CLIC5: variants seen among roughly 807,000 people sequenced by gnomAD.
The protein encoded by CLIC5 is chloride intracellular channel protein 5.
A neutral mutation model predicts 24.7 loss-of-function variants in CLIC5; 20 were observed. The ratio of observed to expected loss-of-function variants is 0.81; its 90% CI spans 0.57 to 1.18. The LOEUF (loss-of-function observed/expected upper bound fraction) is 1.18. Ranked by LOEUF, CLIC5 falls within the 50% of genes most tolerant of loss-of-function variation. The pLI, the probability that CLIC5 is intolerant of heterozygous loss-of-function variation, is 0.00. For synonymous variants in CLIC5, 159 were observed against 135.6 expected (o/e 1.17, Z -1.20); for missense variants, 341 against 326.1 (o/e 1.05, Z -0.35).
chr6:45,986,468 A>C (rs1385249900), intron 1 of CLIC5, among the ~76,000 whole-genome samples: 4 of 152,190 alleles, frequency 2.6e-5, no homozygotes, highest in African/African-American at 7.2e-5. Context: ...GTAGCCTAAG[A>C]AGGTAGTGAT....
the CLIC5 span, among the ~76,000 whole-genome samples, chr6:46,091,436 T>G: frequency 1.3e-5 from 2 of 152,228 alleles, no homozygotes; most frequent in Admixed American, 6.5e-5. Flanking sequence ...GATTTCCTTT[T>G]TTTTAAAGGC....
Position 45,903,748 on chromosome 6 carries a change from A to G in CLIC5, c.589-493T>C, listed in dbSNP as rs147711085. 2.1e-3 allele frequency among the ~76,000 whole-genome samples: 313 copies of G among 152,334 alleles called. 1 individual carries two copies. The highest frequency in any genetic ancestry group is 7.3e-3 in the African/African-American group (305 of 41,568). ...GTTCAAGTATAATGCATTTGGAGAAACATGTATGATGGCTAGATGTCTATA... is the reference window on the plus strand; with the variant it reads ...GTTCAAGTATAATGCATTTGGAGAAGCATGTATGATGGCTAGATGTCTATA... On this transcript the variant is annotated intron_variant, in intron 5 of 5. Transcript: ENST00000339561.
intron 1 of CLIC5, among the ~76,000 whole-genome samples, chr6:45,965,825 G>C (rs955866157): frequency 2.4e-4 from 37 of 152,292 alleles, no homozygotes; most frequent in African/African-American, 8.9e-4. Context: ...AGATGCTATG[G>C]AAATTAATGG....
intron 1 of CLIC5, among the ~76,000 whole-genome samples, chr6:46,039,466 G>A (rs987480104): frequency 1.1e-4 from 17 of 151,436 alleles, no homozygotes; most frequent in Admixed American, 4.0e-4. Flanking sequence ...GTGCAGAGAC[G>A]GCATTAGATT....
chr6:46,126,038 C>T, the CLIC5 span, among the ~76,000 whole-genome samples: 1 of 152,136 alleles, frequency 6.6e-6, no homozygotes. Context: ...CAACTCACCC[C>T]GATTTGCTTG....
intron 1 of CLIC5, among the ~76,000 whole-genome samples, chr6:46,024,184 T>C (rs890142705): frequency 6.6e-6 from 1 of 152,164 alleles, no homozygotes; most frequent in Non-Finnish European, 1.5e-5. Context: ...AATAAACAGT[T>C]GTCATAATCT....
intron 1 of CLIC5, among the ~76,000 whole-genome samples, chr6:46,022,349 C>T (rs28588569): frequency 0.015 from 2,358 of 152,268 alleles, 70 homozygotes; most frequent in African/African-American, 0.052. Flanking sequence ...TCACTATACC[C>T]AGAGTAGCAG....
chr6:45,950,953 G>A (rs969209038), intron 2 of CLIC5, among the ~76,000 whole-genome samples: 1 of 152,028 alleles, frequency 6.6e-6, no homozygotes, highest in African/African-American at 2.4e-5. Context: ...TAAAAATTAT[G>A]GGGTTACTTA....
At chr6:46,079,097 C>G (rs1434321584) in intron 1 of CLIC5, among the ~76,000 whole-genome samples, 1 of 152,098 alleles carries the variant, frequency 6.6e-6, no homozygotes, top group African/African-American at 2.4e-5. Flanking sequence ...ATAACCATAA[C>G]TTTATTACTT....
chr6:45,952,054 G>A (rs759049054), intron 2 of CLIC5, among the ~76,000 whole-genome samples: 63 of 152,174 alleles, frequency 4.1e-4, no homozygotes, highest in Non-Finnish European at 3.8e-4. Flanking sequence ...TTTTAGAGCT[G>A]ACACAAGGCA....
In CLIC5 at chr6:45,949,260, CA is replaced by C; in HGVS notation, c.294del (p.Glu99LysfsTer43). The C allele has an allele frequency of 6.2e-7, 1 of 1,613,044 alleles. No homozygotes were observed. The highest frequency in any genetic ancestry group is 8.5e-7 in the Non-Finnish European group (1 of 1,179,402). ...IEEFLEETLT[P>X]EKYPKLAAKH... Reference sequence around the variant, plus strand: ...CAGAAAGAAACAGATCCTTACTTTTCAGGGGTCAAGGTCTCCTCCAGGAACT... The same window carrying C: ...CAGAAAGAAACAGATCCTTACTTTTCGGGGTCAAGGTCTCCTCCAGGAACT... On this transcript the variant is annotated frameshift_variant, in exon 3 of 6. Transcript: ENST00000339561. LOFTEE classifies it high-confidence loss of function.
At chr6:46,039,120 C>A (rs1170892651) in intron 1 of CLIC5, among the ~76,000 whole-genome samples, 1 of 151,978 alleles carries the variant, frequency 6.6e-6, no homozygotes, top group African/African-American at 2.4e-5. Context: ...CTGAAGATAA[C>A]AAAACTCTCT....
At chr6:46,126,373 C>T in the CLIC5 span, among the ~76,000 whole-genome samples, 2 of 152,154 alleles carry the variant, frequency 1.3e-5, no homozygotes, top group African/African-American at 4.8e-5. Context: ...ACATTGCTCT[C>T]CACATAGGAA....
chr6:46,015,381 C>G, intron 1 of CLIC5, 99 bp downstream of exon 1: 4 of 1,235,788 alleles, frequency 3.2e-6, no homozygotes, highest in Non-Finnish European at 4.3e-6. Flanking sequence ...TCCGCGCCGC[C>G]CTCCTGGGAG....
At chr6:46,077,663 A>T (rs1762808479) in intron 1 of CLIC5, among the ~76,000 whole-genome samples, 1 of 152,182 alleles carries the variant, frequency 6.6e-6, no homozygotes, top group South Asian at 2.1e-4. Flanking sequence ...TTATTACTGA[A>T]TATCCTTAAA....
the CLIC5 span, among the ~76,000 whole-genome samples, chr6:46,117,961 A>G: frequency 6.6e-6 from 1 of 152,270 alleles, no homozygotes; most frequent in South Asian, 2.1e-4. Flanking sequence ...GACAGTGACA[A>G]TTTTCTCCAA....
intron 1 of CLIC5, among the ~76,000 whole-genome samples, chr6:45,999,362 C>T (rs1198900685): frequency 6.6e-6 from 1 of 152,112 alleles, no homozygotes; most frequent in Non-Finnish European, 1.5e-5. Context: ...ATATCATTTG[C>T]TGGGTATATG....
chr6:46,008,970 T>C (rs1766700795), intron 1 of CLIC5, among the ~76,000 whole-genome samples: 1 of 152,100 alleles, frequency 6.6e-6, no homozygotes, highest in South Asian at 2.1e-4. Flanking sequence ...TTGATGGGCT[T>C]CAGAATCACC....
chr6:45,948,686 C>T (rs1305165723), intron 3 of CLIC5, among the ~76,000 whole-genome samples: 2 of 152,158 alleles, frequency 1.3e-5, no homozygotes, highest in Non-Finnish European at 2.9e-5. Flanking sequence ...AGCAATGTGT[C>T]ACCCAACAAG....
Sources: gnomAD v4.1 joint callset for allele counts (sites outside exome capture counted in the v4.1 genomes callset) on GRCh38, gnomAD v4.1.1 for gene constraint, MANE v1.5 for transcripts, NCBI Gene and HGNC (gene_info 2026-07-23, HGNC 2026-07-21) for gene names.